The following NTMT1 variants were observed in gnomAD, a reference collection of about 807,000 sequenced individuals.
The protein encoded by NTMT1 is N-terminal Xaa-Pro-Lys N-methyltransferase 1, also known as N-terminal RCC1 methyltransferase.
NTMT1 carries 8 observed loss-of-function variants against 17.5 expected under a neutral mutation model. The observed-to-expected ratio is 0.46, with a 90% confidence interval of 0.27 to 0.82. The LOEUF is 0.82. Among genes scored for constraint, NTMT1 ranks in the 40% least tolerant of loss-of-function variants. The probability of loss-of-function intolerance (pLI) is 0.15; values close to 1 mark genes in which losing one functional copy is unlikely to be tolerated. For missense variants in NTMT1, 221 were observed against 303.5 expected (o/e 0.73, Z 2.02); for synonymous variants, 128 against 126.8 (o/e 1.01, Z -0.06).
chr9:129,624,162 G>A (rs550789324), upstream of NTMT1, among the ~76,000 whole-genome samples: 56 of 152,304 alleles, frequency 3.7e-4, no homozygotes, highest in African/African-American at 1.3e-3. Flanking sequence ...GAACTACTAT[G>A]TGCTAGGCTT....
intron 1 of NTMT1, chr9:129,619,527 CCTTT>C: frequency 6.2e-7 from 1 of 1,612,906 alleles, no homozygotes; most frequent in Non-Finnish European, 8.5e-7. Context: ...CACTGGTTGG[CCTTT>C]CTGACAGTGG....
At position 129,620,250 on chromosome 9, in the gene NTMT1, C is replaced by G; in HGVS notation, c.-55+11072C>G. On this transcript the variant is annotated intron_variant, in intron 1 of 3. Transcript: ENST00000372486. This position sits in a 1 kb window ranked among gnomAD's most constrained non-coding sequence, Gnocchi z 5.8. ...CTGGGCGCCGATTCCCGGGACGCGCCGGCCGACAGCAGGGGAGGCGGCAGC... is the reference window on the plus strand; with the variant it reads ...CTGGGCGCCGATTCCCGGGACGCGCGGGCCGACAGCAGGGGAGGCGGCAGC... 5.2e-6 allele frequency: 7 copies of G among 1,336,236 alleles called. No homozygotes were observed. Among genetic ancestry groups the G allele is most frequent in the Non-Finnish European group, 6.7e-6 (7 of 1,037,738 alleles). The allele number at this position is 1,336,236 out of a possible 1,614,324, so 82.8% of individuals were successfully genotyped here.
intron 3 of NTMT1, chr9:129,634,748 A>G (rs1433868877): frequency 4.6e-6 from 1 of 217,392 alleles, no homozygotes; most frequent in Non-Finnish European, 9.2e-6. Context: ...GCAGTCGGCC[A>G]CCTCCTGAGG....
At chr9:129,619,994 G>C in intron 1 of NTMT1, 1 of 1,468,190 alleles carries the variant, frequency 6.8e-7, no homozygotes, top group Non-Finnish European at 9.1e-7. Flanking sequence ...GGGGTGGTGG[G>C]TGCGGGGACA....
At chr9:129,612,616 G>A (rs568419050) in intron 1 of NTMT1, among the ~76,000 whole-genome samples, 206 of 152,318 alleles carry the variant, frequency 1.4e-3, no homozygotes, top group African/African-American at 4.8e-3. Flanking sequence ...GGTGGCTCTC[G>A]CCTGTAATCC....
intron 1 of NTMT1, among the ~76,000 whole-genome samples, chr9:129,609,725 C>G (rs988109212): frequency 1.3e-5 from 2 of 152,110 alleles, no homozygotes; most frequent in Non-Finnish European, 2.9e-5. Flanking sequence ...CTGAATGCCT[C>G]GCTCCCTCTT....
intron 1 of NTMT1, 35 bp from the exon 2 acceptor site, chr9:129,632,603 TCTGCCAGGTCCC>T: frequency 6.9e-7 from 1 of 1,444,958 alleles, no homozygotes; most frequent in East Asian, 2.3e-5. Flanking sequence ...TGGGGGCCTT[TCTGCCAGGTCCC>T]TGGCCCGCTG....
At chr9:129,626,907 C>T (rs997737497) in intron 1 of NTMT1, among the ~76,000 whole-genome samples, 1 of 152,218 alleles carries the variant, frequency 6.6e-6, no homozygotes, top group Non-Finnish European at 1.5e-5. Flanking sequence ...TTTGGTTTCT[C>T]CTCTGTACTA....
At chr9:129,622,649 G>C (rs765212136), upstream of NTMT1, among the ~76,000 whole-genome samples, 1 of 151,904 alleles carries the variant, frequency 6.6e-6, no homozygotes, top group Non-Finnish European at 1.5e-5. Flanking sequence ...GTAACCATCT[G>C]TACTTATATT....
chr9:129,619,596 A>C (rs1253222717), intron 1 of NTMT1: 9 of 1,613,992 alleles, frequency 5.6e-6, no homozygotes, highest in Non-Finnish European at 7.6e-6. Context: ...TGCTGGAGCG[A>C]AATCTTCGTA....
intron 1 of NTMT1, among the ~76,000 whole-genome samples, chr9:129,610,528 T>G (rs1564330140): frequency 6.6e-6 from 1 of 151,686 alleles, no homozygotes. Context: ...GGGCCGGTCG[T>G]GGGCTCGGAG....
At chr9:129,609,087 G>A (rs1326277894) in exon 1 of NTMT1, 1 of 152,316 alleles carries the variant, frequency 6.6e-6, no homozygotes, top group Non-Finnish European at 1.5e-5. Context: ...CGGCTTAGGA[G>A]AGAGCTCCTG....
intron 1 of NTMT1, among the ~76,000 whole-genome samples, chr9:129,618,755 C>A (rs761125647): frequency 3.9e-5 from 6 of 152,050 alleles, no homozygotes; most frequent in Admixed American, 6.5e-5. Context: ...TGCAATGGCA[C>A]AATCTCAGCT....
intron 1 of NTMT1, among the ~76,000 whole-genome samples, chr9:129,631,955 TC>T (rs1831192479): frequency 6.6e-6 from 1 of 152,184 alleles, no homozygotes; most frequent in African/African-American, 2.4e-5. Flanking sequence ...TGGCACAGAG[TC>T]CCCACTCCTT....
chr9:129,612,348 C>T (rs1381723922), intron 1 of NTMT1: 1 of 1,613,216 alleles, frequency 6.2e-7, no homozygotes. Flanking sequence ...CGCGAGTGTT[C>T]ACCTCTTATC....
Position 129,635,721 on chromosome 9 carries a change from C to G in NTMT1, c.*257C>G. 2.2e-6 allele frequency: 1 copy of G among 451,800 alleles called. No individual in the cohort carries two copies. The highest frequency in any genetic ancestry group is 3.9e-5 in the Admixed American group (1 of 25,364). 28.0% of individuals were successfully genotyped at this position (451,800 alleles called of 1,614,324 possible). A position where few individuals can be genotyped will look rare whatever the true frequency, so the allele number is the denominator to read the frequency against. ...GAGATGGGATTGGGTGGAAGGGGCT[C>G]CAGGGCTCCTGGTGCTCCCCATGTG... On this transcript the variant is annotated 3_prime_UTR_variant, in exon 4 of 4. Coordinates refer to ENST00000372483, the MANE Select transcript of NTMT1 (RefSeq NM_014064.4).
rs114486809 is a variant in NTMT1, at chr9:129,630,023, G to A, written c.-54-2627G>A. On this transcript the variant is annotated intron_variant, in intron 1 of 3. Coordinates refer to ENST00000372483, the MANE Select transcript of NTMT1 (RefSeq NM_014064.4). ...GCTAAGGGTGAGAAGACCCAATCAC[G>A]GATCTAAGAAGAACCCCGTTGCATC... Among the ~76,000 whole-genome samples, 522 of 152,334 alleles carry A rather than the reference G, an allele frequency of 3.4e-3. 5 individuals carry two copies. The highest frequency in any genetic ancestry group is 0.012 in the African/African-American group (483 of 41,572).
Position 129,620,598 on chromosome 9 carries a change from C to T in NTMT1, c.-55+11420C>T. 1 of 1,316,508 alleles carries T rather than the reference C, an allele frequency of 7.6e-7. No homozygotes were observed. The highest frequency in any genetic ancestry group is 9.7e-7 in the Non-Finnish European group (1 of 1,031,958). The allele number at this position is 1,316,508 out of a possible 1,614,324, so 81.6% of individuals were successfully genotyped here. ...ATGCTTGGCCCCGCACTCAGCTCAC[C>T]GCACCCTCAGCGCGCGTGGGTGGGG... On this transcript the variant is annotated intron_variant, in intron 1 of 3. Coordinates refer to the NTMT1 transcript ENST00000372486. This position sits in a 1 kb window ranked among gnomAD's most constrained non-coding sequence, Gnocchi z 5.8.
chr9:129,633,939 A>T, intron 2 of NTMT1, 115 bp from the exon 3 acceptor site: 1 of 1,234,258 alleles, frequency 8.1e-7, no homozygotes, highest in Non-Finnish European at 1.1e-6. Context: ...ACCAGTGCTC[A>T]GCTTGTGCGG....
Sources: gnomAD v4.1 joint callset for allele counts (sites outside exome capture counted in the v4.1 genomes callset) on GRCh38, gnomAD v4.1.1 for gene constraint, Gnocchi (gnomAD v3.1) non-coding constraint, MANE v1.5 for transcripts, NCBI Gene and HGNC (gene_info 2026-07-23, HGNC 2026-07-21) for gene names.